The following ANXA10 variants were observed in gnomAD, a reference collection of about 807,000 sequenced individuals.
The protein encoded by ANXA10 is annexin A10.
A neutral mutation model predicts 53.5 loss-of-function variants in ANXA10; 49 were observed. That is an observed-to-expected ratio of 0.92 (90% confidence interval 0.73 to 1.16). ANXA10 has a LOEUF of 1.16. Among genes scored for constraint, ANXA10 ranks in the 50% most tolerant of loss-of-function variants. ANXA10 has a pLI of 0.00. For synonymous variants in ANXA10, 131 were observed against 128.9 expected (o/e 1.02, Z -0.11); for missense variants, 393 against 394.4 (o/e 1.00, Z 0.03).
intron 1 of ANXA10, among the ~76,000 whole-genome samples, chr4:168,116,481 A>G (rs1730895801): frequency 6.6e-6 from 1 of 152,174 alleles, no homozygotes; most frequent in Admixed American, 6.5e-5. Flanking sequence ...TATTTCAAGA[A>G]AAACAGAAGT....
chr4:168,096,536 G>T (rs1012260052), intron 1 of ANXA10, among the ~76,000 whole-genome samples: 11 of 152,120 alleles, frequency 7.2e-5, no homozygotes, highest in African/African-American at 2.4e-4. Flanking sequence ...ACCATAGATT[G>T]GTTTTAATCT....
chr4:168,136,807 G>A (rs1197612646), intron 2 of ANXA10, among the ~76,000 whole-genome samples: 2 of 152,172 alleles, frequency 1.3e-5, no homozygotes, highest in African/African-American at 2.4e-5. Context: ...CCAGTGTGGG[G>A]GCTCCAACCC....
rs180995840 is a variant in ANXA10 at position 168,156,350 on chromosome 4, T to G, written c.196-6178T>G. Reference sequence around the variant, plus strand: ...AATATATTATATAGTATATATGTTATATAATATATTATATAGTATATATAA... The same window carrying G: ...AATATATTATATAGTATATATGTTAGATAATATATTATATAGTATATATAA... On this transcript the variant is annotated intron_variant, in intron 3 of 11. Transcript: ENST00000359299. Among the ~76,000 whole-genome samples, 657 of 111,052 alleles carry G rather than the reference T, an allele frequency of 5.9e-3. 7 individuals are homozygous for G. Among genetic ancestry groups the G allele is most frequent in the African/African-American group, 0.022 (627 of 28,214 alleles). 72.9% of individuals were successfully genotyped at this position (111,052 alleles called of 152,430 possible).
At chr4:168,128,967 T>G (rs1037058887) in intron 2 of ANXA10, among the ~76,000 whole-genome samples, 1 of 151,818 alleles carries the variant, frequency 6.6e-6, no homozygotes, top group Non-Finnish European at 1.5e-5. Context: ...ATATATAATT[T>G]TTAAGATATC....
In ANXA10 at chr4:168,140,162, G is replaced by T. The variant is rs548458407; in HGVS notation, c.195+582G>T. Among the ~76,000 whole-genome samples the T allele has an allele frequency of 9.8e-5, 15 of 152,296 alleles. No individual in the cohort carries two copies. In the South Asian group the frequency reaches 3.1e-3, roughly 32 times the overall value. ...TAATCATACTCTAATTTCAAAGCAA[G>T]TACCATTAAAGATTCCTTGCTTTTG... On this transcript the variant is annotated intron_variant, in intron 3 of 11. Coordinates refer to ENST00000359299, the MANE Select transcript of ANXA10 (RefSeq NM_007193.5).
intron 3 of ANXA10, among the ~76,000 whole-genome samples, chr4:168,157,727 G>A (rs1411924144): frequency 1.3e-5 from 2 of 152,076 alleles, no homozygotes; most frequent in African/African-American, 4.8e-5. Context: ...CATGTCATAT[G>A]TGCTCTTTTA....
In ANXA10 at chr4:168,112,250, C is replaced by T. The variant is rs568683747; in HGVS notation, c.19-15834C>T. ...GGCAGAGGCTGCAGTGAGCCGAGAT[C>T]GTACCACTGCACTCCAGAGCCTCTG... On this transcript the variant is annotated intron_variant, in intron 1 of 11. Transcript: ENST00000359299. Among the ~76,000 whole-genome samples the T allele has an allele frequency of 1.1e-4, 17 of 152,074 alleles. 1 individual carries two copies. Among genetic ancestry groups the T allele is most frequent in the African/African-American group, 3.9e-4 (16 of 41,474 alleles).
chr4:168,167,308 A>C (rs1303216657), intron 6 of ANXA10, among the ~76,000 whole-genome samples: 1 of 152,164 alleles, frequency 6.6e-6, no homozygotes, highest in Non-Finnish European at 1.5e-5. Flanking sequence ...TTTTCACATA[A>C]TAGTTGATAT....
chr4:168,166,813 G>A (rs1731889225), intron 6 of ANXA10, among the ~76,000 whole-genome samples: 1 of 152,008 alleles, frequency 6.6e-6, no homozygotes, highest in African/African-American at 2.4e-5. Flanking sequence ...TTTGTACATG[G>A]GAACATGACA....
intron 2 of ANXA10, among the ~76,000 whole-genome samples, chr4:168,130,012 T>G (rs1731132798): frequency 6.6e-6 from 1 of 152,186 alleles, no homozygotes; most frequent in African/African-American, 2.4e-5. Context: ...AAGTCAAAAT[T>G]AATCTTTTTT....
intron 3 of ANXA10, among the ~76,000 whole-genome samples, chr4:168,146,999 T>G (rs1731417071): frequency 6.6e-6 from 1 of 152,224 alleles, no homozygotes; most frequent in Non-Finnish European, 1.5e-5. Context: ...TCAGCTTATC[T>G]GAATCGCCAG....
At chr4:168,171,820 GATTA>G (rs1377933683) in intron 6 of ANXA10, among the ~76,000 whole-genome samples, 8 of 152,132 alleles carry the variant, frequency 5.3e-5, no homozygotes, top group African/African-American at 1.2e-4. Flanking sequence ...GTCACTTAGA[GATTA>G]ATTAATCAAT....
At chr4:168,124,696 C>T (rs1041327005) in intron 1 of ANXA10, among the ~76,000 whole-genome samples, 2 of 152,142 alleles carry the variant, frequency 1.3e-5, no homozygotes, top group African/African-American at 4.8e-5. Context: ...CATACTGGGA[C>T]ATGTTCATAA....
chr4:168,147,834 G>T (rs1731429759), intron 3 of ANXA10, among the ~76,000 whole-genome samples: 1 of 152,290 alleles, frequency 6.6e-6, no homozygotes, highest in South Asian at 2.1e-4. Flanking sequence ...ATGGGAATAG[G>T]AAGATCTGTG....
chr4:168,143,511 C>T (rs1005599112), intron 3 of ANXA10, among the ~76,000 whole-genome samples: 7 of 152,100 alleles, frequency 4.6e-5, no homozygotes, highest in African/African-American at 1.2e-4. Context: ...CTTGGAATTC[C>T]GCTGATTGAC....
At chr4:168,145,745 T>C (rs1731396115) in intron 3 of ANXA10, among the ~76,000 whole-genome samples, 2 of 152,162 alleles carry the variant, frequency 1.3e-5, no homozygotes, top group African/African-American at 4.8e-5. Flanking sequence ...AGGAGGTTAA[T>C]ATTTTCCAGG....
intron 10 of ANXA10, among the ~76,000 whole-genome samples, 190 bp from the exon 11 acceptor site, chr4:168,184,369 G>A (rs947805480): frequency 2.6e-5 from 4 of 152,192 alleles, no homozygotes; most frequent in African/African-American, 9.6e-5. Flanking sequence ...GTCAGCATGC[G>A]GTAAGGGAGA....
At chr4:168,163,784 T>C (rs889306561) in intron 4 of ANXA10, among the ~76,000 whole-genome samples, 1 of 151,998 alleles carries the variant, frequency 6.6e-6, no homozygotes, top group Non-Finnish European at 1.5e-5. Context: ...CAGGCACAGG[T>C]CCCTAAAATA....
At chr4:168,097,193 C>T (rs751943929) in intron 1 of ANXA10, among the ~76,000 whole-genome samples, 1 of 151,932 alleles carries the variant, frequency 6.6e-6, no homozygotes, top group Non-Finnish European at 1.5e-5. Context: ...CCATTATATA[C>T]ATTTCTTCTC....
Sources: allele counts gnomAD v4.1 joint callset (sites outside exome capture counted in the v4.1 genomes callset), GRCh38; gene constraint gnomAD v4.1.1; transcripts MANE v1.5; gene names NCBI Gene and HGNC (gene_info 2026-07-23, HGNC 2026-07-21).